The following CNGB1 variants were observed in gnomAD, a reference collection of about 807,000 sequenced individuals.
CNGB1 encodes the protein cyclic nucleotide gated channel subunit beta 1.
In CNGB1, 126 loss-of-function variants were observed where a neutral mutation model predicts 151.7. The ratio of observed to expected loss-of-function variants is 0.83; its 90% confidence interval spans 0.72 to 0.96. The LOEUF (loss-of-function observed/expected upper bound fraction) is 0.96, where lower values mean the gene tolerates loss of function less well. CNGB1 is among the 40% of genes least tolerant of loss of function. CNGB1 has a pLI of 0.00. For synonymous variants in CNGB1, 623 were observed against 635.1 expected, an observed-to-expected ratio of 0.98 and a Z score of 0.29; for missense variants, 1,698 against 1,627.0, an observed-to-expected ratio of 1.04 and a Z score of -0.75.
intron 19 of CNGB1, 22 bp from the exon 20 acceptor site, chr16:57,919,276 C>G (rs377614396): frequency 1.9e-6 from 3 of 1,614,004 alleles, no homozygotes; most frequent in Non-Finnish European, 2.5e-6. Flanking sequence ...CATTGGTGAC[C>G]ATCTGAACCA....
intron 13 of CNGB1, among the ~76,000 whole-genome samples, chr16:57,950,010 C>G (rs977293061): frequency 6.6e-6 from 1 of 152,176 alleles, no homozygotes; most frequent in African/African-American, 2.4e-5. Flanking sequence ...AATTATGGTA[C>G]AGCCATATGA....
At chr16:57,903,733 C>T (rs901564502) in intron 27 of CNGB1, 89 bp downstream of exon 27, 69 of 1,468,920 alleles carry the variant, frequency 4.7e-5, no homozygotes, top group East Asian at 3.0e-4. Flanking sequence ...ACACAGAGGA[C>T]GAGGGAGGCG....
chr16:57,917,247 C>A (rs768814851), intron 21 of CNGB1, 21 bp downstream of exon 21: 41 of 1,605,204 alleles, frequency 2.6e-5, no homozygotes, highest in Non-Finnish European at 3.4e-5. Context: ...GTCACCCCAA[C>A]ACCACCTGCC....
In CNGB1 at chr16:57,904,836, G is replaced by A; in HGVS notation, c.2532C>T (p.Ile844=). The change falls in exon 26 of 33, where the codon ATC becomes ATT. Residue 844 remains isoleucine, a synonymous_variant. Transcript: ENST00000251102. ...TGGGGTCAGGCAGCCCCCCGATGGT[G>A]ATGAGGGTCTTCACAGCAAAGTAGT... ...RCYYFAVKTL[I]TIGGLPDPKT... The A allele has an allele frequency of 6.2e-7, 1 of 1,614,202 alleles. No homozygotes were observed.
chr16:57,970,134 C>T (rs188742215), intron 1 of CNGB1, among the ~76,000 whole-genome samples: 1 of 152,226 alleles, frequency 6.6e-6, no homozygotes, highest in African/African-American at 2.4e-5. Flanking sequence ...AGTGTCAGAT[C>T]CCTGGCTCAG....
chr16:57,937,092 C>G (rs1363154914), intron 16 of CNGB1: 3 of 152,498 alleles, frequency 2.0e-5, no homozygotes, highest in Non-Finnish European at 2.9e-5. Flanking sequence ...ATCGTGCTAC[C>G]TAGTTGGCGG....
At position 57,888,056 on chromosome 16, in the gene CNGB1, G is replaced by A; in HGVS notation, c.3261C>T (p.Asn1087=). ...RKKARRMLRS[N]NKPKEEKSVL... ...CGCTCTTCTCCTCCTTGGGCTTATT[G>A]TTGCTTCTCAGCATGCGCCTGGAAG... Residue 1087 remains asparagine, a synonymous_variant, in exon 32 of 33, where the codon AAC becomes AAT. Coordinates refer to ENST00000251102, the MANE Select transcript of CNGB1 (RefSeq NM_001297.5). 6.2e-7 allele frequency: 1 copy of A among 1,614,028 alleles called. No individual in the cohort carries two copies. The highest frequency in any genetic ancestry group is 8.5e-7 in the Non-Finnish European group (1 of 1,180,022).
At chr16:57,950,358 T>C (rs1244878319) in intron 13 of CNGB1, 23 bp downstream of exon 13, 1 of 1,613,866 alleles carries the variant, frequency 6.2e-7, no homozygotes, top group African/African-American at 1.3e-5. Context: ...ACTAATCTTT[T>C]AGGGTCTTCT....
rs549407096 is a variant in CNGB1 at position 57,934,421 on chromosome 16, C to T, written c.1373-2543G>A. On this transcript the variant is annotated intron_variant, in intron 16 of 32. Coordinates refer to ENST00000251102, the MANE Select transcript of CNGB1 (RefSeq NM_001297.5). ...CTACACTCCAGCCTTAGCGAAAGAGCGAGACCCTGTCTCACAAAATAATAA... is the reference window on the plus strand; with the variant it reads ...CTACACTCCAGCCTTAGCGAAAGAGTGAGACCCTGTCTCACAAAATAATAA... Among the ~76,000 whole-genome samples, 3 of 152,074 alleles carry T rather than the reference C, an allele frequency of 2.0e-5. No homozygotes were observed. In the East Asian group the frequency reaches 5.8e-4, roughly 29 times the overall value.
At chr16:57,935,525 C>T (rs1368870630) in intron 16 of CNGB1, among the ~76,000 whole-genome samples, 1 of 151,982 alleles carries the variant, frequency 6.6e-6, no homozygotes, top group Non-Finnish European at 1.5e-5. Flanking sequence ...ACTAAAAATA[C>T]AAAAATTAGC....
chr16:57,938,344 G>A (rs1961567813), intron 16 of CNGB1, among the ~76,000 whole-genome samples: 1 of 152,146 alleles, frequency 6.6e-6, no homozygotes, highest in Non-Finnish European at 1.5e-5. Flanking sequence ...AGACCAAGTA[G>A]GGAGCAAGCT....
intron 14 of CNGB1, 86 bp downstream of exon 14, chr16:57,949,267 A>G (rs1166924757): frequency 2.3e-5 from 36 of 1,597,088 alleles, no homozygotes; most frequent in Non-Finnish European, 3.0e-5. Context: ...AGGAGCTCCC[A>G]TGAGCAGCAA....
intron 31 of CNGB1, among the ~76,000 whole-genome samples, chr16:57,894,857 T>G (rs1334935951): frequency 2.6e-5 from 4 of 152,068 alleles, no homozygotes; most frequent in Admixed American, 1.3e-4. Flanking sequence ...GAGCCCTAAA[T>G]GGAATGTAAA....
At chr16:57,953,823 T>C (rs1450578984) in intron 12 of CNGB1, among the ~76,000 whole-genome samples, 1 of 152,018 alleles carries the variant, frequency 6.6e-6, no homozygotes, top group Non-Finnish European at 1.5e-5. Context: ...AAGCAGGTGC[T>C]TCTCAATAAA....
chr16:57,926,468 G>A (rs1247018698), intron 17 of CNGB1, among the ~76,000 whole-genome samples: 2 of 152,208 alleles, frequency 1.3e-5, no homozygotes, highest in Non-Finnish European at 1.5e-5. Context: ...TCCAGAGGGA[G>A]GGATGTGTGA....
rs1193778641 is a variant in CNGB1 at position 57,897,316 on chromosome 16, AAAG to A, written c.3242+78_3242+80del. ...GATGTCATCTCAAAAAAAAAAAAAA[AAAG>A]ATAAAGGTACTGTGGTTATGTAAGA... On this transcript the variant is annotated intron_variant, in intron 31 of 32. Transcript: ENST00000251102. 1.5e-5 allele frequency: 22 copies of A among 1,484,434 alleles called. No individual in the cohort carries two copies. In the African/African-American group the frequency reaches 2.9e-4, roughly 19 times the overall value. 92.0% of individuals were successfully genotyped at this position (1,484,434 alleles called of 1,614,324 possible).
In CNGB1 at chr16:57,912,953, G is replaced by A. The variant is rs1297986920; in HGVS notation, c.2346C>T (p.Ile782=). The change falls in exon 24 of 33, where the codon ATC becomes ATT. Residue 782 remains isoleucine, a synonymous_variant. Coordinates refer to ENST00000251102, the MANE Select transcript of CNGB1 (RefSeq NM_001297.5). ...FFEFNSRLES[I]LSKAYVYRVI... ...ACCTGTACACGTAGGCTTTGCTGAG[G>A]ATGGATTCCAGGCGGCTGTTAAACT... 1 of 1,613,880 alleles carries A rather than the reference G, an allele frequency of 6.2e-7. No homozygotes were observed. The highest frequency in any genetic ancestry group is 8.5e-7 in the Non-Finnish European group (1 of 1,179,908).
chr16:57,931,218 G>A (rs1459645884), intron 17 of CNGB1, among the ~76,000 whole-genome samples: 1 of 151,566 alleles, frequency 6.6e-6, no homozygotes, highest in African/African-American at 2.4e-5. Flanking sequence ...CAGTGCAATG[G>A]CACAATCTCA....
chr16:57,913,763 G>A (rs1039986780), intron 23 of CNGB1, among the ~76,000 whole-genome samples: 1 of 152,168 alleles, frequency 6.6e-6, no homozygotes, highest in Non-Finnish European at 1.5e-5. Context: ...TTACAAGCAT[G>A]AGCCGCCACA....
Sources: gnomAD v4.1 joint callset for allele counts (sites outside exome capture counted in the v4.1 genomes callset) on GRCh38, gnomAD v4.1.1 for gene constraint, MANE v1.5 for transcripts, NCBI Gene and HGNC (gene_info 2026-07-23, HGNC 2026-07-21) for gene names.